The following IFT20 variants were observed in gnomAD, a reference collection of about 807,000 sequenced individuals.
The protein encoded by IFT20 is intraflagellar transport protein 20 homolog.
A neutral mutation model predicts 16.9 loss-of-function variants in IFT20; 4 were observed. The ratio of observed to expected loss-of-function variants is 0.24; its 90% CI spans 0.12 to 0.54. The LOEUF (loss-of-function observed/expected upper bound fraction) is 0.54, where lower values mean the gene tolerates loss of function less well. IFT20 is among the 20% of genes least tolerant of loss of function. The pLI, the probability that IFT20 is intolerant of heterozygous loss-of-function variation, is 0.95. For synonymous variants in IFT20, 48 were observed against 49.9 expected, an observed-to-expected ratio of 0.96 and a Z score of 0.16; for missense variants, 154 against 149.7, an observed-to-expected ratio of 1.03 and a Z score of -0.15.
chr17:28,333,044 C>T (rs1361380575), intron 1 of IFT20, among the ~76,000 whole-genome samples: 2 of 145,904 alleles, frequency 1.4e-5, no homozygotes, highest in Non-Finnish European at 3.0e-5. Context: ...GAAGGAAATA[C>T]TGAAAACTCA....
At chr17:28,328,924 C>T (rs1378809907) in intron 4 of IFT20, 191 bp from the exon 5 acceptor site, 4 of 625,558 alleles carry the variant, frequency 6.4e-6, no homozygotes, top group East Asian at 5.6e-5. Flanking sequence ...AGTCTTCTTT[C>T]AGAGAGCCAG....
chr17:28,332,502 G>A (rs183374572), intron 1 of IFT20: 961 of 313,550 alleles, frequency 3.1e-3, no homozygotes, highest in Non-Finnish European at 4.5e-3. Flanking sequence ...TGTGAACTAA[G>A]TTGTAAGCCA....
intron 2 of IFT20, chr17:28,331,650 T>A: frequency 1.8e-6 from 1 of 558,464 alleles, no homozygotes; most frequent in East Asian, 2.9e-5. Context: ...CCCCTCCCCA[T>A]CCCGGTGTTT....
In IFT20 at chr17:28,335,365, C is replaced by A. The variant is rs1048886471; in HGVS notation, c.-28G>T. 2.6e-5 allele frequency: 4 copies of A among 152,330 alleles called. No individual in the cohort carries two copies. The highest frequency in any genetic ancestry group is 5.9e-5 in the Non-Finnish European group (4 of 68,138). 9.4% of individuals were successfully genotyped at this position (152,330 alleles called of 1,614,324 possible). ...CTGCCGGCCCCGCGGCGGCAGCGCGCTGCAGCCCAGGCTGATGTAGACAGG... is the reference window on the plus strand; with the variant it reads ...CTGCCGGCCCCGCGGCGGCAGCGCGATGCAGCCCAGGCTGATGTAGACAGG... On this transcript the variant is annotated 5_prime_UTR_variant, in exon 1 of 5. Transcript: ENST00000395418.
rs782587901 is a variant in IFT20 at position 28,330,401 on chromosome 17, G to GGTCC, written c.213+38_213+41dup. The GGTCC allele has an allele frequency of 3.6e-6, 5 of 1,386,380 alleles. No individual in the cohort carries two copies. The East Asian group carries it at 1.1e-4, about 32-fold the overall frequency. 85.9% of individuals were successfully genotyped at this position (1,386,380 alleles called of 1,614,324 possible). On this transcript the variant is annotated intron_variant, in intron 3 of 4. Transcript: ENST00000395418. ...GAGGGATGAGAGGGTAGTGAACTAG[G>GGTCC]GTCCCAGGCCAAGATGTAGGCGGAA...
intron 3 of IFT20, chr17:28,329,566 C>G: frequency 3.1e-6 from 1 of 319,532 alleles, no homozygotes; most frequent in East Asian, 5.8e-5. Context: ...ACCAATCATA[C>G]TATGTAAGCC....
At chr17:28,332,167 T>C in intron 1 of IFT20, 180 bp from the exon 2 acceptor site, 1 of 1,540,382 alleles carries the variant, frequency 6.5e-7, no homozygotes, top group Non-Finnish European at 8.7e-7. Context: ...CCAGGTTCCC[T>C]AGAGGAGTTC....
rs782249628 is a variant in IFT20, at chr17:28,328,621, G to A, written c.*31C>T. On this transcript the variant is annotated 3_prime_UTR_variant, in exon 5 of 5. Coordinates refer to ENST00000395418, the MANE Select transcript of IFT20 (RefSeq NM_001267776.2). The stretch of plus-strand genomic sequence containing the variant: ...GTTTTGAGAGGCTTTTTTTTGTTTT[G>A]CCTTCCTACTATAAAAGCGAAATTT... 20 of 1,448,244 alleles carry A rather than the reference G, an allele frequency of 1.4e-5. No homozygotes were observed. Among genetic ancestry groups the A allele is most frequent in the Non-Finnish European group, 1.7e-5 (18 of 1,048,344 alleles). 89.7% of individuals were successfully genotyped at this position (1,448,244 alleles called of 1,614,324 possible).
rs1438074384 is a variant in IFT20, at chr17:28,331,966, C to T, written c.20G>A (p.Gly7Asp). ...TTCATCAAAGTGTAGCCCTGCTTCA[C>T]CCAGGATGTCCTTGGCCATGGCTGT... Reference protein sequence around the residue: MAKDILGEAGLHFDELN... With the variant: MAKDILDEAGLHFDELN... Residue 7 changes from glycine to aspartate, a missense_variant, in exon 2 of 5, where the codon GGT becomes GAT. By Grantham distance (94) the Gly-to-Asp change is moderately conservative. Transcript: ENST00000395418. 7 of 1,614,126 alleles carry T rather than the reference C, an allele frequency of 4.3e-6. No individual in the cohort carries two copies. Among genetic ancestry groups the T allele is most frequent in the African/African-American group, 1.3e-5 (1 of 74,938 alleles).
At chr17:28,329,121 A>G in intron 4 of IFT20, 52 bp downstream of exon 4, 1 of 1,198,722 alleles carries the variant, frequency 8.3e-7, no homozygotes, top group Admixed American at 1.7e-5. Flanking sequence ...TCCAGAAGGA[A>G]GAGTGGAAAT....
At position 28,328,630 on chromosome 17, in the gene IFT20, C is replaced by T. The variant is rs782598200; in HGVS notation, c.*22G>A. The T allele has an allele frequency of 1.4e-5, 21 of 1,547,518 alleles. No individual in the cohort carries two copies. Among genetic ancestry groups the T allele is most frequent in the Admixed American group, 1.8e-5 (1 of 54,284 alleles). ...GGCTTTTTTTTGTTTTGCCTTCCTACTATAAAAGCGAAATTTTCAGTTCAT... is the reference window on the plus strand; with the variant it reads ...GGCTTTTTTTTGTTTTGCCTTCCTATTATAAAAGCGAAATTTTCAGTTCAT... On this transcript the variant is annotated 3_prime_UTR_variant, in exon 5 of 5. Coordinates refer to ENST00000395418, the MANE Select transcript of IFT20 (RefSeq NM_001267776.2).
chr17:28,334,672 A>T (rs1907015534), intron 1 of IFT20, among the ~76,000 whole-genome samples: 1 of 152,248 alleles, frequency 6.6e-6, no homozygotes, highest in African/African-American at 2.4e-5. Flanking sequence ...GCCCACACAT[A>T]ACTGGCACTC....
rs1906570468 is a variant in IFT20, at chr17:28,329,290, A to G, written c.214-14T>C. On this transcript the variant is annotated splice_polypyrimidine_tract_variant and intron_variant, in intron 3 of 4. Coordinates refer to ENST00000395418, the MANE Select transcript of IFT20 (RefSeq NM_001267776.2). ...AGCACCGATGGCCTACAGTATTGCC[A>G]GAGAAGGCCATGGCTTCATTAAAAC... is the stretch of plus-strand genomic sequence containing the variant. The G allele has an allele frequency of 1.2e-6, 2 of 1,604,350 alleles. No individual in the cohort carries two copies. The highest frequency in any genetic ancestry group is 1.7e-6 in the Non-Finnish European group (2 of 1,172,380).
At chr17:28,332,316 C>CCTACTACA in intron 1 of IFT20, 5 of 988,238 alleles carry the variant, frequency 5.1e-6, no homozygotes, top group Non-Finnish European at 7.5e-6. Context: ...CATGCCAACA[C>CCTACTACA]TGCTAGATGC....
rs542852347 is a variant in IFT20 at position 28,331,964 on chromosome 17, C to T, written c.22G>A (p.Glu8Lys). MAKDILG[E>K]AGLHFDELNK... ...AGTTCATCAAAGTGTAGCCCTGCTT[C>T]ACCCAGGATGTCCTTGGCCATGGCT... Residue 8 changes from glutamate (E) to lysine (K), a missense_variant, in exon 2 of 5, where the codon GAA becomes AAA. Glu to Lys is a moderately conservative substitution (Grantham distance 56). Coordinates refer to ENST00000395418, the MANE Select transcript of IFT20 (RefSeq NM_001267776.2). 5 of 1,614,246 alleles carry T rather than the reference C, an allele frequency of 3.1e-6. No individual in the cohort carries two copies. The highest frequency in any genetic ancestry group is 3.3e-5 in the Admixed American group (2 of 60,034).
intron 2 of IFT20, among the ~76,000 whole-genome samples, chr17:28,331,181 T>C (rs1299065828): frequency 1.3e-5 from 2 of 152,238 alleles, no homozygotes; most frequent in African/African-American, 4.8e-5. Context: ...CTTTCTCCAA[T>C]GTCCTGGATG....
rs554852722 is a variant in IFT20, at chr17:28,333,998, G to A, written c.-3+1342C>T. ...TTAATCTGACCAGCTGCTCCAGAAA[G>A]ATTGAAGTAACATGAGGGAGCAAAT... On this transcript the variant is annotated intron_variant, in intron 1 of 4. Coordinates refer to ENST00000395418, the MANE Select transcript of IFT20 (RefSeq NM_001267776.2). Among the ~76,000 whole-genome samples, 80 of 152,266 alleles carry A rather than the reference G, an allele frequency of 5.3e-4. No homozygotes were observed. The South Asian group carries it at 6.0e-3, about 11-fold the overall frequency.
intron 2 of IFT20, 102 bp downstream of exon 2, chr17:28,331,757 C>G: frequency 6.7e-7 from 1 of 1,483,988 alleles, no homozygotes; most frequent in Non-Finnish European, 9.3e-7. Context: ...ATTCAACCTC[C>G]AGGGAGCCAG....
intron 1 of IFT20, among the ~76,000 whole-genome samples, chr17:28,334,927 GGAA>G (rs1452795446): frequency 2.0e-5 from 3 of 152,136 alleles, no homozygotes; most frequent in East Asian, 3.9e-4. Flanking sequence ...TAGGTAAGAT[GGAA>G]GAAGAGGTGC....
Sources: allele counts gnomAD v4.1 joint callset (sites outside exome capture counted in the v4.1 genomes callset), GRCh38; gene constraint gnomAD v4.1.1; transcripts MANE v1.5; gene names NCBI Gene and HGNC (gene_info 2026-07-23, HGNC 2026-07-21).